Variants in NRXN1 observed in about 807,000 individuals in gnomAD.
NRXN1 encodes the protein neurexin-1.
Under a neutral mutation model 150.9 loss-of-function variants are expected in NRXN1, and 39 were observed. The observed-to-expected ratio is 0.26, with a 90% CI of 0.20 to 0.34. The LOEUF (loss-of-function observed/expected upper bound fraction) is 0.34, where lower values mean the gene tolerates loss of function less well. Among genes scored for constraint, NRXN1 ranks in the 10% least tolerant of loss-of-function variants. The pLI is 1.00. For synonymous variants in NRXN1, 924 were observed against 757.0 expected, an observed-to-expected ratio of 1.22 and a Z score of -3.62; for missense variants, 1,815 against 1,949.9, an observed-to-expected ratio of 0.93 and a Z score of 1.30.
In NRXN1 at chr2:49,962,260, C is replaced by G. The variant is rs1274519881; in HGVS notation, c.4129-18469G>C. ...GTTCTGATGAAGCAACATGGATTATCTCTATGATACAGACACTTTGAATGA... is the reference window on the plus strand; with the variant it reads ...GTTCTGATGAAGCAACATGGATTATGTCTATGATACAGACACTTTGAATGA... On this transcript the variant is annotated intron_variant, in intron 21 of 22. Coordinates refer to ENST00000401669, the MANE Select transcript of NRXN1 (RefSeq NM_001330078.2). Among the ~76,000 whole-genome samples, 3 of 152,172 alleles carry G rather than the reference C, an allele frequency of 2.0e-5. No homozygotes were observed. In the East Asian group the frequency reaches 5.8e-4, roughly 29 times the overall value.
intron 17 of NRXN1, among the ~76,000 whole-genome samples, chr2:50,410,125 TG>T (rs1157011558): frequency 1.3e-5 from 2 of 152,088 alleles, no homozygotes; most frequent in East Asian, 3.9e-4. Context: ...CAAGCAAGGA[TG>T]TAGAAACTCG....
At chr2:50,214,101 T>C (rs978697623) in intron 18 of NRXN1, among the ~76,000 whole-genome samples, 6 of 151,990 alleles carry the variant, frequency 3.9e-5, no homozygotes, top group Non-Finnish European at 8.8e-5. Context: ...GATTTGATAC[T>C]TCATTCTAGC....
At chr2:50,928,152 T>C (rs1687192808) in intron 2 of NRXN1, among the ~76,000 whole-genome samples, 1 of 151,904 alleles carries the variant, frequency 6.6e-6, no homozygotes, top group African/African-American at 2.4e-5. Flanking sequence ...ATGTTTAATG[T>C]GTAAACAAAT....
At chr2:50,736,561 G>A (rs188942414) in intron 5 of NRXN1, among the ~76,000 whole-genome samples, 9 of 152,228 alleles carry the variant, frequency 5.9e-5, no homozygotes, top group East Asian at 5.8e-4. Flanking sequence ...TCACGAGGGC[G>A]GTTTCCACCA....
At chr2:50,984,956 T>C (rs1044564898) in intron 2 of NRXN1, among the ~76,000 whole-genome samples, 3 of 152,082 alleles carry the variant, frequency 2.0e-5, no homozygotes, top group Non-Finnish European at 4.4e-5. Context: ...TTTCACCAAA[T>C]AGTTACTGGG....
intron 17 of NRXN1, among the ~76,000 whole-genome samples, chr2:50,393,280 GC>G (rs1198966402): frequency 2.0e-5 from 3 of 151,792 alleles, no homozygotes; most frequent in African/African-American, 7.3e-5. Flanking sequence ...TTATCATACT[GC>G]CATTTATTCT....
intron 17 of NRXN1, among the ~76,000 whole-genome samples, chr2:50,252,609 A>G (rs529129237): frequency 7.9e-5 from 12 of 152,226 alleles, no homozygotes; most frequent in Admixed American, 1.3e-4. Context: ...AGGTGTAAGT[A>G]CGGGGTCCAG....
chr2:50,890,058 G>A (rs1287640058), intron 5 of NRXN1, among the ~76,000 whole-genome samples: 1 of 151,632 alleles, frequency 6.6e-6, no homozygotes, highest in African/African-American at 2.4e-5. Context: ...TGAGCTTCAG[G>A]TTTTCCTTTA....
intron 18 of NRXN1, among the ~76,000 whole-genome samples, chr2:50,142,881 T>G (rs375416970): frequency 1.3e-5 from 2 of 151,808 alleles, no homozygotes; most frequent in Non-Finnish European, 2.9e-5. Context: ...AACCCAGGCA[T>G]AGAACCTACA....
intron 2 of NRXN1, among the ~76,000 whole-genome samples, chr2:51,020,131 T>G (rs547283287): frequency 1.3e-5 from 2 of 151,890 alleles, no homozygotes; most frequent in South Asian, 2.1e-4. Context: ...GTTCAGTGAA[T>G]CTTTACAAAT....
chr2:50,029,093 G>T (rs1346235172), intron 21 of NRXN1, among the ~76,000 whole-genome samples: 2 of 152,160 alleles, frequency 1.3e-5, no homozygotes, highest in Non-Finnish European at 1.5e-5. Context: ...TGAGGATGGA[G>T]GCTTCATGAA....
intron 21 of NRXN1, among the ~76,000 whole-genome samples, chr2:50,041,754 A>G (rs577840192): frequency 6.6e-6 from 1 of 152,358 alleles, no homozygotes; most frequent in South Asian, 2.1e-4. Flanking sequence ...GAGTGTGTCA[A>G]CAAGTCTAAA....
At chr2:50,878,311 TC>T (rs1398577624) in intron 5 of NRXN1, among the ~76,000 whole-genome samples, 1 of 151,918 alleles carries the variant, frequency 6.6e-6, no homozygotes, top group African/African-American at 2.4e-5. Flanking sequence ...TTTTAAATTT[TC>T]CCTGTGAGTA....
intron 21 of NRXN1, among the ~76,000 whole-genome samples, chr2:50,031,721 C>A (rs79790613): frequency 0.033 from 5,094 of 152,118 alleles, 288 homozygotes; most frequent in African/African-American, 0.12. Context: ...TGACCAAGTG[C>A]TGTTAAGTGC....
At chr2:50,422,063 T>C (rs1384929919) in intron 17 of NRXN1, among the ~76,000 whole-genome samples, 2 of 152,188 alleles carry the variant, frequency 1.3e-5, no homozygotes, top group Non-Finnish European at 2.9e-5. Context: ...CAAAGGAGCT[T>C]ATTTGTGCTA....
At chr2:50,779,823 T>C (rs1236513930) in intron 5 of NRXN1, among the ~76,000 whole-genome samples, 1 of 151,984 alleles carries the variant, frequency 6.6e-6, no homozygotes, top group East Asian at 1.9e-4. Context: ...TAAAATAAAA[T>C]AAACATGTGT....
chr2:49,929,503 G>A (rs1028263841), intron 22 of NRXN1, among the ~76,000 whole-genome samples: 9 of 151,982 alleles, frequency 5.9e-5, no homozygotes, highest in African/African-American at 2.2e-4. Context: ...GGTCCTTACT[G>A]TTCCCATGGC....
At chr2:50,083,749 C>A (rs140525113) in intron 19 of NRXN1, among the ~76,000 whole-genome samples, 3,487 of 152,172 alleles carry the variant, frequency 0.023, 138 homozygotes, top group African/African-American at 0.079. Context: ...CTGATTGGTA[C>A]GTTTACAATC....
intron 12 of NRXN1, among the ~76,000 whole-genome samples, chr2:50,507,203 G>A (rs2092269115): frequency 6.6e-6 from 1 of 152,006 alleles, no homozygotes; most frequent in Non-Finnish European, 1.5e-5. Context: ...CACGTTCTTA[G>A]GTTCTTTAGC....
Sources: allele counts gnomAD v4.1 joint callset (sites outside exome capture counted in the v4.1 genomes callset), GRCh38; gene constraint gnomAD v4.1.1; transcripts MANE v1.5; gene names NCBI Gene and HGNC (gene_info 2026-07-23, HGNC 2026-07-21).